The following RFFL variants were observed in gnomAD, a reference collection of about 807,000 sequenced individuals.
The protein encoded by RFFL is E3 ubiquitin-protein ligase rififylin.
RFFL carries 16 observed loss-of-function variants against 40.4 expected under a neutral mutation model. The observed-to-expected ratio is 0.40, with a 90% confidence interval of 0.27 to 0.60. The LOEUF (loss-of-function observed/expected upper bound fraction) is 0.60, where lower values mean the gene tolerates loss of function less well. Ranked by LOEUF, RFFL falls within the 20% of genes least tolerant of loss-of-function variation. The pLI, the probability that RFFL is intolerant of heterozygous loss-of-function variation, is 0.47. For synonymous variants in RFFL, 154 were observed against 167.9 expected (o/e 0.92, Z 0.64); for missense variants, 367 against 451.7 (o/e 0.81, Z 1.70).
intron 1 of RFFL, among the ~76,000 whole-genome samples, chr17:35,046,345 T>C (rs905799941): frequency 3.9e-5 from 6 of 151,966 alleles, no homozygotes; most frequent in Admixed American, 2.6e-4. Flanking sequence ...GAACTGCAAA[T>C]ACAAATAAAC....
chr17:35,016,362 C>T lies in RFFL; in HGVS notation c.886+8G>A, dbSNP rs776669108. On this transcript the variant is annotated splice_region_variant and intron_variant, in intron 5 of 6. Coordinates refer to ENST00000394597, the MANE Select transcript of RFFL (RefSeq NM_001017368.2). The stretch of plus-strand genomic sequence containing the variant: ...CTCTGTAAAGCTACCATGCAGATAG[C>T]CCCTCACCCAGGTGCTGGAGTCCTT... 1 of 1,612,718 alleles carries T rather than the reference C, an allele frequency of 6.2e-7. No homozygotes were observed. Among genetic ancestry groups the T allele is most frequent in the Admixed American group, 1.7e-5 (1 of 60,012 alleles).
chr17:35,026,384 G>A lies in RFFL; in HGVS notation c.170C>T (p.Thr57Met), dbSNP rs750706436. The change falls in exon 2 of 7, where the codon ACG becomes ATG. Residue 57 changes from threonine (T) to methionine (M), a missense_variant. Transcript: ENST00000394597. ...GAAGTCAGCACTCACCTTCCTGGCC[G>A]TGTTTGCAAAGTGAGCCCCACAGGA... ...CKSCGAHFAN[T>M]ARKQTCLDCK... 23 of 1,613,722 alleles carry A rather than the reference G, an allele frequency of 1.4e-5. No individual in the cohort carries two copies. The highest frequency in any genetic ancestry group is 8.9e-5 in the East Asian group (4 of 44,880).
intron 1 of RFFL, among the ~76,000 whole-genome samples, chr17:35,047,347 A>G (rs1212256768): frequency 6.6e-6 from 1 of 152,222 alleles, no homozygotes; most frequent in Non-Finnish European, 1.5e-5. Flanking sequence ...AGCCAAATGT[A>G]CCATGGTATA....
chr17:35,076,808 C>A lies in RFFL; in HGVS notation c.-9+12297G>T. 1.8e-5 allele frequency: 4 copies of A among 223,002 alleles called. No homozygotes were observed. In the South Asian group the frequency reaches 2.4e-4, roughly 13 times the overall value. 13.8% of individuals were successfully genotyped at this position (223,002 alleles called of 1,614,324 possible). A position where few individuals can be genotyped will look rare whatever the true frequency, so the allele number is the denominator to read the frequency against. On this transcript the variant is annotated intron_variant, in intron 1 of 6. Transcript: ENST00000315249. ...GACAGGACGTACCACCTTCAGAAGT[C>A]GACCTGTGGCAAATGTGGCTATGCT... is the stretch of plus-strand genomic sequence containing the variant.
At chr17:35,022,302 GT>G (rs1035052909) in intron 2 of RFFL, among the ~76,000 whole-genome samples, 147 of 152,292 alleles carry the variant, frequency 9.7e-4, no homozygotes, top group African/African-American at 3.4e-3. Context: ...AGTGTAAGCT[GT>G]TTTATTATAG....
At chr17:35,079,713 G>A (rs1441411020) in intron 1 of RFFL, among the ~76,000 whole-genome samples, 1 of 152,134 alleles carries the variant, frequency 6.6e-6, no homozygotes, top group Non-Finnish European at 1.5e-5. Flanking sequence ...GGGAGTGGTG[G>A]GGATGATTCA....
In RFFL at chr17:35,007,421, CCAG is replaced by C. The variant is rs1357287053; in HGVS notation, c.*4544_*4546del. Reference sequence around the variant, plus strand: ...CTCAACATCATCATCATAAATCTCTCCAGCAGAATGCTGGAGGCCTCCCTCTTC... The same window carrying C: ...CTCAACATCATCATCATAAATCTCTCCAGAATGCTGGAGGCCTCCCTCTTC... On this transcript the variant is annotated 3_prime_UTR_variant, in exon 7 of 7. Transcript: ENST00000394597. 1 of 152,260 alleles carries C rather than the reference CCAG, an allele frequency of 6.6e-6. No homozygotes were observed. The highest frequency in any genetic ancestry group is 1.5e-5 in the Non-Finnish European group (1 of 68,082). 9.4% of individuals were successfully genotyped at this position (152,260 alleles called of 1,614,324 possible).
chr17:35,032,634 CAT>C (rs745858538), intron 1 of RFFL, among the ~76,000 whole-genome samples: 1 of 151,906 alleles, frequency 6.6e-6, no homozygotes, highest in African/African-American at 2.4e-5. Context: ...TACACAGGTA[CAT>C]GTTTGGGCTG....
chr17:35,045,515 T>A lies in RFFL; in HGVS notation c.-9+18061A>T, dbSNP rs2044132552. ...TCCCAAAGTTCTAGGATTACAGGCA[T>A]GAGCCACCATGCCCGGCCTATATAA... On this transcript the variant is annotated intron_variant, in intron 1 of 6. Coordinates refer to ENST00000394597, the MANE Select transcript of RFFL (RefSeq NM_001017368.2). 1.3e-5 allele frequency among the ~76,000 whole-genome samples: 2 copies of A among 152,044 alleles called. 1 individual carries two copies. Among genetic ancestry groups the A allele is most frequent in the African/African-American group, 4.8e-5 (2 of 41,408 alleles).
At chr17:35,062,200 C>T (rs1567714026) in intron 1 of RFFL, among the ~76,000 whole-genome samples, 1 of 151,800 alleles carries the variant, frequency 6.6e-6, no homozygotes. Context: ...GTCAAGAGAT[C>T]GAGACCATCC....
At chr17:35,014,613 T>C in intron 6 of RFFL, 127 bp downstream of exon 6, 1 of 890,366 alleles carries the variant, frequency 1.1e-6, no homozygotes, top group Non-Finnish European at 1.9e-6. Flanking sequence ...TCTCAGTGAG[T>C]TTCCCACACA....
In RFFL at chr17:35,009,552, C is replaced by T. The variant is rs535246251; in HGVS notation, c.*2416G>A. 7.0e-4 allele frequency: 106 copies of T among 151,252 alleles called. No individual in the cohort carries two copies. Among genetic ancestry groups the T allele is most frequent in the African/African-American group, 2.5e-3 (101 of 41,120 alleles). The allele number at this position is 151,252 out of a possible 1,614,324, so 9.4% of individuals were successfully genotyped here. A position where few individuals can be genotyped will look rare whatever the true frequency, so the allele number is the denominator to read the frequency against. On this transcript the variant is annotated 3_prime_UTR_variant, in exon 7 of 7. Coordinates refer to ENST00000394597, the MANE Select transcript of RFFL (RefSeq NM_001017368.2). ...TATTAACTGGAATGGGATCTTGGAA[C>T]TCCCAACTTTAATTTGGTGTAATAA...
intron 1 of RFFL, among the ~76,000 whole-genome samples, chr17:35,085,517 T>C (rs969389889): frequency 5.3e-5 from 8 of 152,100 alleles, no homozygotes; most frequent in Non-Finnish European, 7.4e-5. Context: ...GCAACCTCCG[T>C]CTCCCAGGTT....
intron 1 of RFFL, among the ~76,000 whole-genome samples, chr17:35,027,678 C>T (rs1053644354): frequency 1.4e-5 from 2 of 146,060 alleles, no homozygotes; most frequent in Non-Finnish European, 3.0e-5. Flanking sequence ...GACCCCAGAT[C>T]GTGCCACTGC....
chr17:35,014,985 G>C (rs2090964983), intron 5 of RFFL, among the ~76,000 whole-genome samples: 1 of 151,920 alleles, frequency 6.6e-6, no homozygotes, highest in Non-Finnish European at 1.5e-5. Context: ...TTATTTTTTT[G>C]AGATGGAGCC....
intron 5 of RFFL, among the ~76,000 whole-genome samples, chr17:35,015,674 A>G (rs1425667507): frequency 6.6e-6 from 1 of 152,226 alleles, no homozygotes; most frequent in African/African-American, 2.4e-5. Context: ...AACCAAATCA[A>G]CTGGGGATGG....
intron 1 of RFFL, among the ~76,000 whole-genome samples, chr17:35,032,889 C>G (rs9891483): frequency 0.031 from 4,774 of 152,092 alleles, 288 homozygotes; most frequent in African/African-American, 0.11. Context: ...TCAGAGAACA[C>G]AATACAATGA....
At chr17:35,055,043 G>C (rs528338495) in intron 1 of RFFL, among the ~76,000 whole-genome samples, 6 of 151,764 alleles carry the variant, frequency 4.0e-5, no homozygotes, top group African/African-American at 1.4e-4. Context: ...TCAGCCTCCT[G>C]AGTAGCTGGG....
rs1464391638 is a variant in RFFL, at chr17:35,042,533, AT to A, written c.-8-15973del. On this transcript the variant is annotated intron_variant, in intron 1 of 6. Transcript: ENST00000394597. ...TGAGATATTTATTTTAGAATAAATAATTCGGTGGCCGGGCGCAGTGGCTCAC... is the reference window on the plus strand; with the variant it reads ...TGAGATATTTATTTTAGAATAAATAATCGGTGGCCGGGCGCAGTGGCTCAC... 4.6e-5 allele frequency among the ~76,000 whole-genome samples: 7 copies of A among 152,258 alleles called. No homozygotes were observed. The East Asian group carries it at 1.3e-3, about 29-fold the overall frequency.
Sources: gnomAD v4.1 joint callset for allele counts (sites outside exome capture counted in the v4.1 genomes callset) on GRCh38, gnomAD v4.1.1 for gene constraint, MANE v1.5 for transcripts, NCBI Gene and HGNC (gene_info 2026-07-23, HGNC 2026-07-21) for gene names.